ANO4: variants seen among roughly 807,000 people sequenced by gnomAD.
ANO4 encodes anoctamin-4.
Under a neutral mutation model 141.9 loss-of-function variants are expected in ANO4, and 69 were observed. That is an observed-to-expected ratio of 0.49 (90% CI 0.40 to 0.59). The LOEUF (loss-of-function observed/expected upper bound fraction) is 0.59, where lower values mean the gene tolerates loss of function less well. Ranked by LOEUF, ANO4 falls within the 20% of genes least tolerant of loss-of-function variation. ANO4 has a pLI of 0.00. For missense variants in ANO4, 894 were observed against 1,162.2 expected (o/e 0.77, Z 3.36); for synonymous variants, 350 against 394.3 (o/e 0.89, Z 1.33).
intron 7 of ANO4, chr12:100,987,206 T>C (rs2044745119): frequency 4.7e-6 from 1 of 214,108 alleles, no homozygotes. Context: ...TTAAGATCTC[T>C]GCTGCTTGCT....
chr12:100,815,337 T>A (rs917338151), intron 1 of ANO4, among the ~76,000 whole-genome samples: 1 of 152,190 alleles, frequency 6.6e-6, no homozygotes, highest in Non-Finnish European at 1.5e-5. Context: ...GATATAATCA[T>A]TGACTTTGAC....
chr12:100,990,355 G>T (rs1012128398), intron 8 of ANO4, among the ~76,000 whole-genome samples: 2 of 152,028 alleles, frequency 1.3e-5, no homozygotes, highest in Non-Finnish European at 2.9e-5. Context: ...ACTTCTCAGC[G>T]TGATTCTTAA....
chr12:100,862,084 T>TA (rs1206296769), intron 1 of ANO4, among the ~76,000 whole-genome samples: 2 of 152,208 alleles, frequency 1.3e-5, no homozygotes, highest in African/African-American at 4.8e-5. Context: ...AATTTAATTT[T>TA]AATTTTTAAA....
At chr12:100,935,474 C>G (rs1447441096) in intron 3 of ANO4, among the ~76,000 whole-genome samples, 3 of 152,160 alleles carry the variant, frequency 2.0e-5, no homozygotes, top group Non-Finnish European at 4.4e-5. Flanking sequence ...GTATTTGACT[C>G]TCTTTCTCAT....
intron 15 of ANO4, among the ~76,000 whole-genome samples, chr12:101,079,796 C>G (rs1214146719): frequency 1.3e-5 from 2 of 150,918 alleles, no homozygotes; most frequent in African/African-American, 4.9e-5. Flanking sequence ...GGAGGGCCAG[C>G]TCTAGACAAA....
chr12:100,925,645 T>TA (rs67384264), intron 3 of ANO4, among the ~76,000 whole-genome samples: 51,288 of 147,646 alleles, frequency 0.35, 9,183 homozygotes, highest in South Asian at 0.49. Context: ...AAAGTATAAT[T>TA]AAAAAAAAAA....
intron 22 of ANO4, 92 bp downstream of exon 22, chr12:101,099,812 T>A: frequency 8.9e-7 from 1 of 1,128,144 alleles, no homozygotes; most frequent in Non-Finnish European, 1.2e-6. Flanking sequence ...ATCAAGGTCC[T>A]CAGTGCGTAG....
intron 7 of ANO4, among the ~76,000 whole-genome samples, chr12:100,983,827 T>C (rs2044589952): frequency 6.6e-6 from 1 of 152,188 alleles, no homozygotes. Flanking sequence ...CTTCCTTACA[T>C]CTCCAAAGTC....
At chr12:100,767,845 A>G (rs975154722) in intron 3 of ANO4, among the ~76,000 whole-genome samples, 1 of 152,240 alleles carries the variant, frequency 6.6e-6, no homozygotes, top group African/African-American at 2.4e-5. Context: ...GACCACGTAC[A>G]AAAACTTTAC....
intron 3 of ANO4, among the ~76,000 whole-genome samples, chr12:100,928,126 G>C (rs992211807): frequency 6.6e-6 from 1 of 151,824 alleles, no homozygotes; most frequent in African/African-American, 2.4e-5. Flanking sequence ...TAACCTGCAT[G>C]GTCATGCCAT....
At chr12:101,067,995 G>A (rs981842317) in intron 14 of ANO4, among the ~76,000 whole-genome samples, 1 of 152,164 alleles carries the variant, frequency 6.6e-6, no homozygotes, top group African/African-American at 2.4e-5. Context: ...AGCATTTGTT[G>A]TACTAGTTTT....
intron 22 of ANO4, among the ~76,000 whole-genome samples, chr12:101,105,422 C>T (rs564303885): frequency 8.5e-5 from 13 of 152,262 alleles, no homozygotes; most frequent in Admixed American, 5.2e-4. Context: ...CTTTTACAGC[C>T]ATTTAAAATA....
At chr12:100,920,255 A>G (rs1179097635) in intron 2 of ANO4, among the ~76,000 whole-genome samples, 2 of 152,106 alleles carry the variant, frequency 1.3e-5, no homozygotes, top group Admixed American at 1.3e-4. Context: ...GGGTGATTTT[A>G]AAGACTAGTG....
At chr12:100,929,333 T>C (rs968827907) in intron 3 of ANO4, among the ~76,000 whole-genome samples, 1 of 152,170 alleles carries the variant, frequency 6.6e-6, no homozygotes, top group South Asian at 2.1e-4. Context: ...TCAATTGTTT[T>C]TAGTTTTTAG....
chr12:101,027,147 T>TC (rs1566144271), intron 9 of ANO4, among the ~76,000 whole-genome samples: 1 of 152,090 alleles, frequency 6.6e-6, no homozygotes, highest in Non-Finnish European at 1.5e-5. Flanking sequence ...GAGCCCCCAC[T>TC]CCCCAGCCAA....
At chr12:101,056,646 C>T (rs979769886) in intron 14 of ANO4, among the ~76,000 whole-genome samples, 5 of 151,988 alleles carry the variant, frequency 3.3e-5, no homozygotes, top group African/African-American at 1.2e-4. Context: ...ATGTACTAGA[C>T]ATCCTTGCCT....
At chr12:101,095,291 ATAG>A (rs1258808654) in intron 18 of ANO4, among the ~76,000 whole-genome samples, 2 of 105,414 alleles carry the variant, frequency 1.9e-5, no homozygotes, top group African/African-American at 1.4e-4. Context: ...GCCCAAAAAG[ATAG>A]AAGAGGTTTA....
At chr12:100,726,429 G>T (rs1456122673) in intron 1 of ANO4, among the ~76,000 whole-genome samples, 1 of 152,108 alleles carries the variant, frequency 6.6e-6, no homozygotes, top group African/African-American at 2.4e-5. Context: ...TCCTAGCGCA[G>T]GGCAGATCAT....
chr12:100,800,414 T>C (rs544950728), intron 1 of ANO4, among the ~76,000 whole-genome samples: 23 of 152,370 alleles, frequency 1.5e-4, no homozygotes, highest in Admixed American at 5.9e-4. Context: ...GCCAGTGTTC[T>C]ATTTACTGAT....
Sources: gnomAD v4.1 joint callset for allele counts (sites outside exome capture counted in the v4.1 genomes callset) on GRCh38, gnomAD v4.1.1 for gene constraint, MANE v1.5 for transcripts, NCBI Gene and HGNC (gene_info 2026-07-23, HGNC 2026-07-21) for gene names.